Variants in GRAP observed in about 807,000 individuals in gnomAD.
GRAP encodes GRB2 related adaptor protein, also known as GRB2-related adapter protein.
In GRAP, 2 loss-of-function variants were observed where a neutral mutation model predicts 9.1. The observed-to-expected ratio is 0.22, with a 90% CI of 0.09 to 0.69. GRAP has a LOEUF of 0.69. Among genes scored for constraint, GRAP ranks in the 30% least tolerant of loss-of-function variants. GRAP has a pLI of 0.81. For missense variants in GRAP, 113 were observed against 179.4 expected (o/e 0.63, Z 2.12); for synonymous variants, 68 against 73.6 (o/e 0.92, Z 0.39).
In GRAP at chr17:19,020,671, G is replaced by T; in HGVS notation, c.*1288C>A. ...GCAGTCAGCATTGGAAGGAAAATTA[G>T]ATTTCTGACGGACATCCTGATGTTG... On this transcript the variant is annotated 3_prime_UTR_variant, in exon 5 of 5. Transcript: ENST00000284154. 1 of 554,210 alleles carries T rather than the reference G, an allele frequency of 1.8e-6. No individual in the cohort carries two copies. The highest frequency in any genetic ancestry group is 3.2e-6 in the Non-Finnish European group (1 of 308,554). The allele number at this position is 554,210 out of a possible 1,614,324, so 34.3% of individuals were successfully genotyped here. A position where few individuals can be genotyped will look rare whatever the true frequency, so the allele number is the denominator to read the frequency against.
upstream of GRAP, among the ~76,000 whole-genome samples, chr17:19,051,085 A>C (rs2152177600): frequency 7.0e-6 from 1 of 142,134 alleles, no homozygotes; most frequent in East Asian, 2.3e-4. Context: ...AAAATGAAGA[A>C]ACAGGCCAGG....
In GRAP at chr17:19,024,508, G is replaced by T. The variant is rs1345249237; in HGVS notation, c.300-125C>A. 36 of 1,452,018 alleles carry T rather than the reference G, an allele frequency of 2.5e-5. No homozygotes were observed. The highest frequency in any genetic ancestry group is 3.3e-5 in the Non-Finnish European group (36 of 1,099,486). The allele number at this position is 1,452,018 out of a possible 1,614,324, so 89.9% of individuals were successfully genotyped here. A position where few individuals can be genotyped will look rare whatever the true frequency, so the allele number is the denominator to read the frequency against. On this transcript the variant is annotated intron_variant, in intron 3 of 4. Transcript: ENST00000284154. This position sits in a 1 kb window ranked among gnomAD's most constrained non-coding sequence, Gnocchi z 4.2. ...CACGGTGGGACCTGGAGTCAGATAAGGTGCAAGTGGGAGAGGCCCCACTGA... is the reference window on the plus strand; with the variant it reads ...CACGGTGGGACCTGGAGTCAGATAATGTGCAAGTGGGAGAGGCCCCACTGA...
rs753546300 is a variant in GRAP, at chr17:19,024,022, C to A, written c.468+193G>T. 3.3e-5 allele frequency among the ~76,000 whole-genome samples: 5 copies of A among 152,174 alleles called. No homozygotes were observed. Among genetic ancestry groups the A allele is most frequent in the Non-Finnish European group, 5.9e-5 (4 of 68,044 alleles). On this transcript the variant is annotated intron_variant, in intron 4 of 4. Transcript: ENST00000284154. The surrounding 1 kb of genome is among the most constrained non-coding windows in gnomAD (Gnocchi z 4.2). Reference sequence around the variant, plus strand: ...GCTTTTCTTTCCCTCTTCTCCTTTCCCACCCTTGCAAGTCTCACCATAGCC... The same window carrying A: ...GCTTTTCTTTCCCTCTTCTCCTTTCACACCCTTGCAAGTCTCACCATAGCC...
chr17:19,031,553 T>G (rs2152173744), intron 3 of GRAP: 1 of 132,146 alleles, frequency 7.6e-6, no homozygotes, highest in East Asian at 2.3e-4. Context: ...CCCTAATTCC[T>G]CCCCAGCTTG....
Position 19,024,351 on chromosome 17 carries a change from A to G in GRAP, c.332T>C (p.Leu111Pro). 6.2e-7 allele frequency: 1 copy of G among 1,612,204 alleles called. No individual in the cohort carries two copies. Among genetic ancestry groups the G allele is most frequent in the Non-Finnish European group, 8.5e-7 (1 of 1,179,602 alleles). Residue 111 changes from leucine to proline, a missense_variant, in exon 4 of 5, where the codon CTG becomes CCG. By Grantham distance (98) the Leu-to-Pro change is moderately conservative. Coordinates refer to ENST00000284154, the MANE Select transcript of GRAP (RefSeq NM_006613.4). The surrounding 1 kb of genome is among the most constrained non-coding windows in gnomAD (Gnocchi z 4.2). ...GAAGTACTTCCCCGAGGCCTCACGC[A>G]GCACCTTGAAGTGCTGCACCTGGTC... ...YGDQVQHFKV[L>P]REASGKYFLW...
Position 19,024,444 on chromosome 17 carries a change from G to T in GRAP, c.300-61C>A. 1.3e-6 allele frequency: 2 copies of T among 1,564,510 alleles called. No individual in the cohort carries two copies. The highest frequency in any genetic ancestry group is 1.7e-6 in the Non-Finnish European group (2 of 1,153,302). ...GCCGTCCCAGCCTGGCATGGTCCCA[G>T]GGGCTCCCGTCTCACTACCACCTGG... On this transcript the variant is annotated intron_variant, in intron 3 of 4. Coordinates refer to ENST00000284154, the MANE Select transcript of GRAP (RefSeq NM_006613.4). The surrounding 1 kb of genome is among the most constrained non-coding windows in gnomAD (Gnocchi z 4.2).
chr17:19,021,554 G>C lies in GRAP; in HGVS notation c.*405C>G. On this transcript the variant is annotated 3_prime_UTR_variant, in exon 5 of 5. Transcript: ENST00000284154. This position sits in a 1 kb window ranked among gnomAD's most constrained non-coding sequence, Gnocchi z 4.1. ...GAGGGAGGGGCAGGCAGGCCCAGTG[G>C]GTGGTCAGCCCAAGGTGAACCCACC... 1 of 347,450 alleles carries C rather than the reference G, an allele frequency of 2.9e-6. No individual in the cohort carries two copies. Among genetic ancestry groups the C allele is most frequent in the Non-Finnish European group, 5.2e-6 (1 of 193,140 alleles). The allele number at this position is 347,450 out of a possible 1,614,324, so 21.5% of individuals were successfully genotyped here.
chr17:19,021,757 CTACCCTTGCTGGG>C lies in GRAP; in HGVS notation c.*189_*201del, dbSNP rs946870235. 6 of 435,834 alleles carry C rather than the reference CTACCCTTGCTGGG, an allele frequency of 1.4e-5. No homozygotes were observed. The highest frequency in any genetic ancestry group is 1.8e-4 in the South Asian group (2 of 11,184). The allele number at this position is 435,834 out of a possible 1,614,324, so 27.0% of individuals were successfully genotyped here. On this transcript the variant is annotated 3_prime_UTR_variant, in exon 5 of 5. Transcript: ENST00000284154. This position sits in a 1 kb window ranked among gnomAD's most constrained non-coding sequence, Gnocchi z 4.1. Reference sequence around the variant, plus strand: ...AGCAACCAGCCAGGAAGCCCCGGAGCTACCCTTGCTGGGTACCCTTGCTGGGGGACCTGGGCCA... The same window carrying C: ...AGCAACCAGCCAGGAAGCCCCGGAGCTACCCTTGCTGGGGGACCTGGGCCA...
In GRAP at chr17:19,021,674, T is replaced by TG. The variant is rs992418762; in HGVS notation, c.*284dup. 127 of 397,806 alleles carry TG rather than the reference T, an allele frequency of 3.2e-4. No individual in the cohort carries two copies. The highest frequency in any genetic ancestry group is 5.0e-4 in the East Asian group (14 of 28,032). 24.6% of individuals were successfully genotyped at this position (397,806 alleles called of 1,614,324 possible). On this transcript the variant is annotated 3_prime_UTR_variant, in exon 5 of 5. Coordinates refer to ENST00000284154, the MANE Select transcript of GRAP (RefSeq NM_006613.4). This position sits in a 1 kb window ranked among gnomAD's most constrained non-coding sequence, Gnocchi z 4.1. ...AGATGGGGCCATTGACAAGAGGAGG[T>TG]GGGCGGGGCCTCCACAGACTCCGCC...
chr17:19,027,527 C>CG (rs2152172545), intron 3 of GRAP, among the ~76,000 whole-genome samples: 1 of 147,890 alleles, frequency 6.8e-6, no homozygotes, highest in African/African-American at 2.5e-5. Context: ...CACACACACC[C>CG]CTACCTCTCC....
chr17:19,022,063 T>C lies in GRAP; in HGVS notation c.550A>G (p.Ile184Val), dbSNP rs535140009. ...PSQLSFRRGD[I>V]IEVLERPDPH... ...TCTGGGCGCTCCAGGACCTCAATGA[T>C]GTCGCCACGGCGGAAGCTGAGCTGC... The change falls in exon 5 of 5, where the codon ATC becomes GTC. Residue 184 changes from isoleucine (I) to valine (V), a missense_variant. Around this residue, in one of 2 missense-constraint regions of GRAP, gnomAD observed 113 missense variants for 163.3 expected, o/e 0.69. Coordinates refer to ENST00000284154, the MANE Select transcript of GRAP (RefSeq NM_006613.4). The C allele has an allele frequency of 1.9e-6, 3 of 1,594,718 alleles. No individual in the cohort carries two copies. In the South Asian group the frequency reaches 3.4e-5, roughly 18 times the overall value.
At chr17:19,023,659 G>A (rs1012786803) in intron 4 of GRAP, among the ~76,000 whole-genome samples, 20 of 54,530 alleles carry the variant, frequency 3.7e-4, no homozygotes, top group Admixed American at 5.4e-4. Context: ...CCCACCCCGC[G>A]GCTTGCCAGG....
intron 4 of GRAP, among the ~76,000 whole-genome samples, chr17:19,023,791 G>A (rs2044291805): frequency 6.6e-6 from 1 of 151,920 alleles, no homozygotes; most frequent in South Asian, 2.1e-4. Flanking sequence ...CTGAGCCTCG[G>A]TTTCCTCATC....
intron 4 of GRAP, among the ~76,000 whole-genome samples, chr17:19,022,788 C>T (rs997948943): frequency 6.6e-6 from 1 of 152,132 alleles, no homozygotes; most frequent in Non-Finnish European, 1.5e-5. Context: ...GCACCCAGCA[C>T]CCTGGCCCTG....
chr17:19,024,070 G>T lies in GRAP; in HGVS notation c.468+145C>A. ...GCCGCCACCAGGATATAACTTCGAAGCCTGGGCTGGACGCCTCTTGCAATA... is the reference window on the plus strand; with the variant it reads ...GCCGCCACCAGGATATAACTTCGAATCCTGGGCTGGACGCCTCTTGCAATA... On this transcript the variant is annotated intron_variant, in intron 4 of 4. Transcript: ENST00000284154. This position sits in a 1 kb window ranked among gnomAD's most constrained non-coding sequence, Gnocchi z 4.2. 1 of 770,408 alleles carries T rather than the reference G, an allele frequency of 1.3e-6. No individual in the cohort carries two copies. Among genetic ancestry groups the T allele is most frequent in the Non-Finnish European group, 2.1e-6 (1 of 477,134 alleles). The allele number at this position is 770,408 out of a possible 1,614,324, so 47.7% of individuals were successfully genotyped here. A position where few individuals can be genotyped will look rare whatever the true frequency, so the allele number is the denominator to read the frequency against.
intron 3 of GRAP, among the ~76,000 whole-genome samples, chr17:19,027,760 TTTTAAGATGAAAGA>T (rs1228082987): frequency 1.5e-5 from 2 of 133,028 alleles, no homozygotes; most frequent in Non-Finnish European, 3.2e-5. Context: ...CTTATTGATG[TTTTAAGATGAAAGA>T]TTTAAGATAA....
Position 19,024,067 on chromosome 17 carries a change from G to A in GRAP, c.468+148C>T, listed in dbSNP as rs376195291. ...ATAGCCGCCACCAGGATATAACTTCGAAGCCTGGGCTGGACGCCTCTTGCA... is the reference window on the plus strand; with the variant it reads ...ATAGCCGCCACCAGGATATAACTTCAAAGCCTGGGCTGGACGCCTCTTGCA... On this transcript the variant is annotated intron_variant, in intron 4 of 4. Transcript: ENST00000284154. The surrounding 1 kb of genome is among the most constrained non-coding windows in gnomAD (Gnocchi z 4.2). The A allele has an allele frequency of 1.1e-4, 84 of 752,484 alleles. No individual in the cohort carries two copies. Among genetic ancestry groups the A allele is most frequent in the African/African-American group, 3.2e-4 (18 of 56,726 alleles). 46.6% of individuals were successfully genotyped at this position (752,484 alleles called of 1,614,324 possible).
intron 1 of GRAP, among the ~76,000 whole-genome samples, chr17:19,043,590 T>C (rs1373090783): frequency 1.3e-5 from 2 of 151,810 alleles, no homozygotes; most frequent in African/African-American, 4.8e-5. Flanking sequence ...GATCGCGCCA[T>C]TGCACTCCAG....
upstream of GRAP, among the ~76,000 whole-genome samples, chr17:19,048,363 A>G (rs1474255235): frequency 1.0e-5 from 1 of 98,760 alleles, no homozygotes; most frequent in East Asian, 9.2e-4. Context: ...GTGGAAGGAA[A>G]ACCAGGCAGA....
Sources: gnomAD v4.1 joint callset for allele counts (sites outside exome capture counted in the v4.1 genomes callset) on GRCh38, gnomAD v4.1.1 for gene constraint, gnomAD v4.1.1 regional missense constraint, Gnocchi (gnomAD v3.1) non-coding constraint, MANE v1.5 for transcripts, NCBI Gene and HGNC (gene_info 2026-07-23, HGNC 2026-07-21) for gene names.